The following SEMA5A variants were observed in gnomAD, a reference collection of about 807,000 sequenced individuals.
The protein encoded by SEMA5A is semaphorin 5A.
SEMA5A carries 55 observed loss-of-function variants against 135.5 expected under a neutral mutation model. The observed-to-expected ratio is 0.41, with a 90% CI of 0.33 to 0.51. The LOEUF (loss-of-function observed/expected upper bound fraction) is 0.51. Among genes scored for constraint, SEMA5A ranks in the 20% least tolerant of loss-of-function variants. SEMA5A has a pLI of 0.37. For missense variants in SEMA5A, 1,290 were observed against 1,419.9 expected, an observed-to-expected ratio of 0.91 and a Z score of 1.47; for synonymous variants, 580 against 546.5, an observed-to-expected ratio of 1.06 and a Z score of -0.85.
intron 13 of SEMA5A, 99 bp downstream of exon 13, chr5:9,136,405 G>T: frequency 2.0e-6 from 2 of 1,009,278 alleles, no homozygotes; most frequent in Non-Finnish European, 1.5e-6. Flanking sequence ...GTTCTCATAT[G>T]AAAAGGTGCA....
intron 15 of SEMA5A, among the ~76,000 whole-genome samples, chr5:9,116,963 C>T (rs894854113): frequency 3.3e-5 from 5 of 152,082 alleles, no homozygotes; most frequent in Admixed American, 6.5e-5. Context: ...CAGTAGCCCC[C>T]TAGAAAGACT....
At chr5:9,138,618 C>T (rs566186168) in intron 12 of SEMA5A, among the ~76,000 whole-genome samples, 5 of 151,690 alleles carry the variant, frequency 3.3e-5, no homozygotes, top group African/African-American at 4.8e-5. Context: ...TTTTTATTTC[C>T]ATAGGTTATT....
At chr5:9,314,772 G>A (rs968875602) in intron 5 of SEMA5A, among the ~76,000 whole-genome samples, 3 of 151,928 alleles carry the variant, frequency 2.0e-5, no homozygotes, top group African/African-American at 4.8e-5. Context: ...ACAGAACTCC[G>A]TACACAGCCA....
chr5:9,149,022 C>A (rs937045091), intron 12 of SEMA5A, among the ~76,000 whole-genome samples: 24 of 152,094 alleles, frequency 1.6e-4, no homozygotes, highest in Admixed American at 9.8e-4. Flanking sequence ...GCCCGGCTGC[C>A]CCTTTTGTTT....
chr5:9,469,845 C>T (rs1398070206), intron 1 of SEMA5A, among the ~76,000 whole-genome samples: 2 of 152,168 alleles, frequency 1.3e-5, no homozygotes, highest in Non-Finnish European at 2.9e-5. Context: ...ATTTGGAGTA[C>T]TTTTACTTAA....
intron 13 of SEMA5A, among the ~76,000 whole-genome samples, chr5:9,131,903 G>A (rs1277635007): frequency 1.3e-5 from 2 of 152,120 alleles, no homozygotes; most frequent in African/African-American, 4.8e-5. Context: ...CACAAAGGGT[G>A]TGGATGGTAT....
chr5:9,294,682 C>A (rs1381298109), intron 5 of SEMA5A, among the ~76,000 whole-genome samples: 2 of 152,184 alleles, frequency 1.3e-5, no homozygotes, highest in Non-Finnish European at 2.9e-5. Flanking sequence ...CTTCTAAACA[C>A]TTCCCCCATG....
chr5:9,197,350 A>G, intron 9 of SEMA5A, 47 bp from the exon 10 acceptor site: 1 of 1,595,124 alleles, frequency 6.3e-7, no homozygotes, highest in Non-Finnish European at 8.5e-7. Flanking sequence ...GCTCGGCAGC[A>G]CCTGCTGACC....
In SEMA5A at chr5:9,042,713, C is replaced by CTTA. The variant is rs1736027885; in HGVS notation, c.*181_*183dup. 1.6e-6 allele frequency: 1 copy of CTTA among 626,544 alleles called. No homozygotes were observed. The highest frequency in any genetic ancestry group is 2.7e-6 in the Non-Finnish European group (1 of 370,416). 38.8% of individuals were successfully genotyped at this position (626,544 alleles called of 1,614,324 possible). A position where few individuals can be genotyped will look rare whatever the true frequency, so the allele number is the denominator to read the frequency against. ...ACAATGGTCAAGATTTTCACGATGT[C>CTTA]TTATTTCAATTTTTGTTGCTTTTAA... On this transcript the variant is annotated 3_prime_UTR_variant, in exon 23 of 23. Coordinates refer to ENST00000382496, the MANE Select transcript of SEMA5A (RefSeq NM_003966.3).
At position 9,110,138 on chromosome 5, in the gene SEMA5A, A is replaced by G. The variant is rs573398602; in HGVS notation, c.1926-1851T>C. ...AGCACGAAAGATCATTGAGAAGAAC[A>G]AAACATAAAAAGGCAACAGGGAGTG... On this transcript the variant is annotated intron_variant, in intron 15 of 22. Coordinates refer to ENST00000382496, the MANE Select transcript of SEMA5A (RefSeq NM_003966.3). Among the ~76,000 whole-genome samples, 54 of 152,348 alleles carry G rather than the reference A, an allele frequency of 3.5e-4. 1 individual carries two copies. The highest frequency in any genetic ancestry group is 1.1e-3 in the African/African-American group (44 of 41,584).
At position 9,487,006 on chromosome 5, in the gene SEMA5A, T is replaced by C. The variant is rs142185330; in HGVS notation, c.-174-49154A>G. On this transcript the variant is annotated intron_variant, in intron 1 of 22. Coordinates refer to ENST00000382496, the MANE Select transcript of SEMA5A (RefSeq NM_003966.3). Reference sequence around the variant, plus strand: ...GCAAAAATTCATAGTTTGCCAACCATAGATTGTCTCTGAAAAAAAAAAACT... The same window carrying C: ...GCAAAAATTCATAGTTTGCCAACCACAGATTGTCTCTGAAAAAAAAAAACT... 5.3e-3 allele frequency among the ~76,000 whole-genome samples: 492 copies of C among 93,228 alleles called. 2 individuals are homozygous for C. The South Asian group carries it at 0.077, about 15-fold the overall frequency. 61.2% of individuals were successfully genotyped at this position (93,228 alleles called of 152,430 possible).
intron 11 of SEMA5A, among the ~76,000 whole-genome samples, chr5:9,166,658 T>G (rs953028000): frequency 2.6e-5 from 4 of 152,170 alleles, no homozygotes; most frequent in African/African-American, 9.7e-5. Context: ...GAACAAAACC[T>G]CAAAAGCTCC....
chr5:9,373,644 TG>T, intron 3 of SEMA5A, among the ~76,000 whole-genome samples: 1 of 152,290 alleles, frequency 6.6e-6, no homozygotes, highest in Admixed American at 6.5e-5. Flanking sequence ...CGCTGGGACC[TG>T]GGAATGGAAA....
At chr5:9,258,587 C>A (rs1397027030) in intron 5 of SEMA5A, among the ~76,000 whole-genome samples, 1 of 152,096 alleles carries the variant, frequency 6.6e-6, no homozygotes, top group Non-Finnish European at 1.5e-5. Flanking sequence ...GGGCTGAATC[C>A]TGGTGATGAG....
chr5:9,113,959 CA>C (rs1168387795), intron 15 of SEMA5A, among the ~76,000 whole-genome samples: 2 of 152,108 alleles, frequency 1.3e-5, no homozygotes, highest in Non-Finnish European at 2.9e-5. Flanking sequence ...ACAGTATACA[CA>C]AAAAAGTTAA....
chr5:9,366,498 C>T (rs1228309292), intron 3 of SEMA5A, among the ~76,000 whole-genome samples: 4 of 152,046 alleles, frequency 2.6e-5, no homozygotes, highest in East Asian at 3.9e-4. Context: ...ACGCCATTCT[C>T]CTGCGTCAGC....
intron 2 of SEMA5A, among the ~76,000 whole-genome samples, chr5:9,418,937 G>A (rs1414583650): frequency 6.6e-6 from 1 of 152,136 alleles, no homozygotes; most frequent in Non-Finnish European, 1.5e-5. Context: ...AGTTCCTTTA[G>A]GTACAAAGTT....
At chr5:9,193,263 C>T (rs555650975) in intron 10 of SEMA5A, among the ~76,000 whole-genome samples, 5 of 152,176 alleles carry the variant, frequency 3.3e-5, no homozygotes, top group South Asian at 2.1e-4. Flanking sequence ...GCTGGACTCC[C>T]GCTGTGTCCG....
chr5:9,373,368 G>A (rs557665574), intron 3 of SEMA5A, among the ~76,000 whole-genome samples: 2 of 152,080 alleles, frequency 1.3e-5, no homozygotes, highest in African/African-American at 2.4e-5. Flanking sequence ...TGGGGATAAA[G>A]GCAGCTGTTA....
Sources: allele counts gnomAD v4.1 joint callset (sites outside exome capture counted in the v4.1 genomes callset), GRCh38; gene constraint gnomAD v4.1.1; transcripts MANE v1.5; gene names NCBI Gene and HGNC (gene_info 2026-07-23, HGNC 2026-07-21).